MORC1: variants seen among roughly 807,000 people sequenced by gnomAD.
MORC1 encodes the protein MORC family CW-type zinc finger 1.
In MORC1, 59 loss-of-function variants were observed where a neutral mutation model predicts 134.9. The ratio of observed to expected loss-of-function variants is 0.44; its 90% CI spans 0.35 to 0.54. The LOEUF (loss-of-function observed/expected upper bound fraction) is 0.54, where lower values mean the gene tolerates loss of function less well. Among genes scored for constraint, MORC1 ranks in the 20% least tolerant of loss-of-function variants. MORC1 has a pLI of 0.00. For missense variants in MORC1, 947 were observed against 1,134.5 expected (o/e 0.83, Z 2.37); for synonymous variants, 395 against 391.7 (o/e 1.01, Z -0.10).
At chr3:109,079,660 A>G (rs1417028934) in intron 8 of MORC1, among the ~76,000 whole-genome samples, 1 of 152,150 alleles carries the variant, frequency 6.6e-6, no homozygotes, top group Non-Finnish European at 1.5e-5. Flanking sequence ...CTAAATTAAG[A>G]AAAAAGAAAA....
chr3:109,109,117 G>C (rs565072592), intron 3 of MORC1, among the ~76,000 whole-genome samples: 49 of 152,140 alleles, frequency 3.2e-4, no homozygotes, highest in Non-Finnish European at 6.0e-4. Context: ...TCATCATTCA[G>C]GTCTTTGCTT....
chr3:109,057,352 A>G lies in MORC1; in HGVS notation c.1166T>C (p.Leu389Pro), dbSNP rs1245146496. Residue 389 changes from leucine (L) to proline (P), a missense_variant, in exon 13 of 28, where the codon CTG becomes CCG. Around this residue, in one of 3 missense-constraint regions of MORC1, gnomAD observed 722 missense variants for 817.0 expected, o/e 0.88. Transcript: ENST00000232603. The part of the protein sequence containing the change: ...MHEKVGSQLK[L>P]KSLLGAGVVG... ...GCAAAAACATACTCACAAGGACTTCAGTTTCAACTGTGAGCCCACTTTTTC... is the reference window on the plus strand; with the variant it reads ...GCAAAAACATACTCACAAGGACTTCGGTTTCAACTGTGAGCCCACTTTTTC... 2 of 1,609,638 alleles carry G rather than the reference A, an allele frequency of 1.2e-6. No homozygotes were observed. Among genetic ancestry groups the G allele is most frequent in the Non-Finnish European group, 1.7e-6 (2 of 1,178,252 alleles).
At chr3:109,093,217 T>A (rs1950763671) in intron 8 of MORC1, among the ~76,000 whole-genome samples, 1 of 152,208 alleles carries the variant, frequency 6.6e-6, no homozygotes, top group Non-Finnish European at 1.5e-5. Flanking sequence ...CAGGTCAAGA[T>A]GAGGCCCCAG....
chr3:109,059,670 T>C (rs1308219008), intron 12 of MORC1, 136 bp downstream of exon 12: 1 of 622,060 alleles, frequency 1.6e-6, no homozygotes. Flanking sequence ...CTTGACTATA[T>C]TAGGTTTCAG....
chr3:109,079,680 A>C (rs1267887807), intron 8 of MORC1, among the ~76,000 whole-genome samples: 1 of 152,116 alleles, frequency 6.6e-6, no homozygotes, highest in African/African-American at 2.4e-5. Flanking sequence ...AAGGATGAGC[A>C]ACAGAAGACA....
At chr3:109,060,089 C>G (rs1255569156) in intron 11 of MORC1, among the ~76,000 whole-genome samples, 2 of 152,030 alleles carry the variant, frequency 1.3e-5, no homozygotes, top group African/African-American at 4.8e-5. Flanking sequence ...TTGTACATAT[C>G]CAGATATCCT....
intron 23 of MORC1, among the ~76,000 whole-genome samples, chr3:108,980,676 A>G (rs1407412616): frequency 1.3e-5 from 2 of 152,230 alleles, no homozygotes; most frequent in East Asian, 3.8e-4. Context: ...TGTGGTTACA[A>G]TATTACCAGA....
chr3:109,049,202 G>GCATC (rs1349689276), intron 14 of MORC1: 1 of 973,090 alleles, frequency 1.0e-6, no homozygotes, highest in Non-Finnish European at 1.2e-6. Context: ...AGACTAAATT[G>GCATC]CATCATATGG....
At chr3:109,106,994 C>G (rs1320499910) in intron 3 of MORC1, among the ~76,000 whole-genome samples, 8 of 152,136 alleles carry the variant, frequency 5.3e-5, no homozygotes, top group Non-Finnish European at 4.4e-5. Flanking sequence ...TCTTGTCTTT[C>G]CCTCACCTGC....
In MORC1 at chr3:109,064,984, T is replaced by C. The variant is rs186505071; in HGVS notation, c.816-1753A>G. 1.8e-4 allele frequency among the ~76,000 whole-genome samples: 27 copies of C among 152,248 alleles called. No individual in the cohort carries two copies. In the East Asian group the frequency reaches 5.0e-3, roughly 28 times the overall value. On this transcript the variant is annotated intron_variant, in intron 9 of 27. Coordinates refer to ENST00000232603, the MANE Select transcript of MORC1 (RefSeq NM_014429.4). Reference sequence around the variant, plus strand: ...AAGGCCTTCTGGACTCCTCATTTTCTCTCCACCCCATATCCAATCCACTGG... The same window carrying C: ...AAGGCCTTCTGGACTCCTCATTTTCCCTCCACCCCATATCCAATCCACTGG...
At chr3:109,002,173 ATACCATG>A (rs1948420274) in intron 20 of MORC1, among the ~76,000 whole-genome samples, 1 of 152,244 alleles carries the variant, frequency 6.6e-6, no homozygotes, top group Admixed American at 6.5e-5. Context: ...TGAAACAGAA[ATACCATG>A]TACTGGTTAT....
intron 16 of MORC1, among the ~76,000 whole-genome samples, chr3:109,031,407 G>A (rs926243433): frequency 6.6e-6 from 1 of 152,156 alleles, no homozygotes; most frequent in Non-Finnish European, 1.5e-5. Flanking sequence ...ATAGAACCAG[G>A]AGTCAAACCC....
intron 2 of MORC1, among the ~76,000 whole-genome samples, chr3:109,113,560 G>A (rs757296681): frequency 3.3e-5 from 5 of 152,012 alleles, no homozygotes; most frequent in African/African-American, 9.7e-5. Flanking sequence ...TCTAACAACT[G>A]CACATTACTT....
intron 21 of MORC1, among the ~76,000 whole-genome samples, chr3:108,992,573 T>A (rs765927855): frequency 1.3e-4 from 20 of 152,080 alleles, no homozygotes; most frequent in Non-Finnish European, 2.6e-4. Context: ...CGTGACTCCA[T>A]CTCCCAAAAA....
chr3:109,010,956 T>C (rs1394447052), intron 17 of MORC1, among the ~76,000 whole-genome samples: 3 of 152,252 alleles, frequency 2.0e-5, no homozygotes, highest in Non-Finnish European at 2.9e-5. Context: ...CTACTTAGTA[T>C]AAGCACACAT....
At chr3:109,004,196 C>CTG (rs1948482417) in intron 20 of MORC1, among the ~76,000 whole-genome samples, 1 of 152,198 alleles carries the variant, frequency 6.6e-6, no homozygotes, top group African/African-American at 2.4e-5. Flanking sequence ...GGGCAGAACT[C>CTG]AGCAGATATT....
intron 20 of MORC1, among the ~76,000 whole-genome samples, chr3:109,002,365 C>T (rs867327211): frequency 3.7e-4 from 57 of 152,162 alleles, no homozygotes; most frequent in African/African-American, 1.4e-3. Flanking sequence ...GCCCAGCAGC[C>T]TCCTCCATCA....
intron 14 of MORC1, among the ~76,000 whole-genome samples, chr3:109,052,954 A>G (rs1374068670): frequency 6.6e-6 from 1 of 152,162 alleles, no homozygotes; most frequent in Non-Finnish European, 1.5e-5. Context: ...AAGTGAGCAA[A>G]GAACACAAAC....
chr3:108,990,344 C>A (rs978109116), intron 21 of MORC1, among the ~76,000 whole-genome samples: 58 of 152,216 alleles, frequency 3.8e-4, no homozygotes, highest in African/African-American at 1.2e-3. Flanking sequence ...GACCCCCCCA[C>A]CTCTCTGTCG....
Sources: allele counts gnomAD v4.1 joint callset (sites outside exome capture counted in the v4.1 genomes callset), GRCh38; gene constraint gnomAD v4.1.1; regional missense constraint gnomAD v4.1.1; transcripts MANE v1.5; gene names NCBI Gene and HGNC (gene_info 2026-07-23, HGNC 2026-07-21).